FXR1: variants seen among roughly 807,000 people sequenced by gnomAD.
The protein encoded by FXR1 is RNA-binding protein FXR1.
A neutral mutation model predicts 84.0 loss-of-function variants in FXR1; 15 were observed. The observed-to-expected ratio is 0.18, with a 90% CI of 0.12 to 0.27. The LOEUF (loss-of-function observed/expected upper bound fraction) is 0.27. FXR1 is among the 10% of genes least tolerant of loss of function. The pLI, the probability that FXR1 is intolerant of heterozygous loss-of-function variation, is 1.00. For synonymous variants in FXR1, 245 were observed against 250.7 expected (o/e 0.98, Z 0.21); for missense variants, 480 against 774.4 (o/e 0.62, Z 4.51).
Position 180,933,839 on chromosome 3 carries a change from G to A in FXR1, c.104+453G>A, listed in dbSNP as rs555323979. On this transcript the variant is annotated intron_variant, in intron 2 of 16. Transcript: ENST00000357559. ...TATAAAAGAGCGCTGGGCTGCGTGCGGTGGCTCATGCCTGTAATCCCAGCA... is the reference window on the plus strand; with the variant it reads ...TATAAAAGAGCGCTGGGCTGCGTGCAGTGGCTCATGCCTGTAATCCCAGCA... Among the ~76,000 whole-genome samples the A allele has an allele frequency of 7.2e-5, 11 of 152,216 alleles. No individual in the cohort carries two copies. The East Asian group carries it at 1.9e-3, about 27-fold the overall frequency.
intron 3 of FXR1, among the ~76,000 whole-genome samples, chr3:180,944,471 C>G (rs1352956513): frequency 6.6e-6 from 1 of 151,646 alleles, no homozygotes; most frequent in African/African-American, 2.4e-5. Context: ...GAGGCATGCA[C>G]CAACCACACC....
rs747730033 is a variant in FXR1, at chr3:180,949,362, A to G, written c.630+19A>G. The stretch of plus-strand genomic sequence containing the variant: ...TTTAGAAGTAAGTGGGTTTACTTAC[A>G]AAAGAGTTTTCTGTGTCCCATTTAG... On this transcript the variant is annotated intron_variant, in intron 7 of 16. Transcript: ENST00000357559. The G allele has an allele frequency of 3.6e-6, 4 of 1,107,534 alleles. No individual in the cohort carries two copies. Among genetic ancestry groups the G allele is most frequent in the African/African-American group, 3.1e-5 (2 of 65,310 alleles). The allele number at this position is 1,107,534 out of a possible 1,614,324, so 68.6% of individuals were successfully genotyped here. A position where few individuals can be genotyped will look rare whatever the true frequency, so the allele number is the denominator to read the frequency against.
chr3:180,950,125 C>T (rs1722076943), intron 7 of FXR1, among the ~76,000 whole-genome samples: 1 of 152,156 alleles, frequency 6.6e-6, no homozygotes, highest in Admixed American at 6.5e-5. Context: ...TTGTCCTGTT[C>T]TTCCCTGCTA....
chr3:180,944,742 G>A (rs909385836), intron 3 of FXR1, among the ~76,000 whole-genome samples: 2 of 151,992 alleles, frequency 1.3e-5, no homozygotes, highest in African/African-American at 4.8e-5. Flanking sequence ...CCTACCCCAG[G>A]CCCCCAAGTA....
chr3:180,933,926 A>G (rs1043212078), intron 2 of FXR1, among the ~76,000 whole-genome samples: 15 of 152,100 alleles, frequency 9.9e-5, no homozygotes, highest in African/African-American at 3.4e-4. Context: ...CCTGGCCAAC[A>G]TGGTGAAACC....
chr3:180,964,548 T>C (rs1712550192), intron 13 of FXR1, among the ~76,000 whole-genome samples: 1 of 152,066 alleles, frequency 6.6e-6, no homozygotes, highest in Admixed American at 6.6e-5. Context: ...CTTAGTGGAA[T>C]TGATAACATT....
At position 180,980,523 on chromosome 3, in the gene FXR1, A is replaced by G. The variant is rs140179467; in HGVS notation, c.*4231A>G. 6.8e-4 allele frequency: 103 copies of G among 152,122 alleles called. 1 individual carries two copies. The East Asian group carries it at 0.016, about 24-fold the overall frequency. 9.4% of individuals were successfully genotyped at this position (152,122 alleles called of 1,614,324 possible). A position where few individuals can be genotyped will look rare whatever the true frequency, so the allele number is the denominator to read the frequency against. ...AATAGTTTTTCTAGATAAACAATTT[A>G]TACTTAATTGTTGCTTGGTTGCTTA... On this transcript the variant is annotated 3_prime_UTR_variant, in exon 17 of 17. Coordinates refer to ENST00000357559, the MANE Select transcript of FXR1 (RefSeq NM_005087.4).
intron 6 of FXR1, among the ~76,000 whole-genome samples, 180 bp from the exon 7 acceptor site, chr3:180,949,047 G>T (rs562446997): frequency 6.6e-6 from 1 of 152,290 alleles, no homozygotes; most frequent in East Asian, 1.9e-4. Flanking sequence ...ATTCTGAATA[G>T]CAGATCTAAA....
chr3:180,978,139 A>G lies in FXR1; in HGVS notation c.*1847A>G, dbSNP rs1026244896. On this transcript the variant is annotated 3_prime_UTR_variant, in exon 17 of 17. Coordinates refer to ENST00000357559, the MANE Select transcript of FXR1 (RefSeq NM_005087.4). ...ATAATTGGGTTAAAAATTATAAGGT[A>G]TTAGAAGAATTTTAATTAATGCCAA... The G allele has an allele frequency of 6.6e-6, 1 of 151,490 alleles. No homozygotes were observed. The highest frequency in any genetic ancestry group is 1.5e-5 in the Non-Finnish European group (1 of 67,892). The allele number at this position is 151,490 out of a possible 1,614,324, so 9.4% of individuals were successfully genotyped here.
chr3:180,948,303 T>C lies in FXR1; in HGVS notation c.271-44T>C, dbSNP rs560471274. ...TTAGAACTTCATTTAAACTTCATTA[T>C]TTTTGTTCAGATGGGATTTTTAAAG... On this transcript the variant is annotated intron_variant, in intron 4 of 16. Transcript: ENST00000357559. 7.0e-6 allele frequency: 10 copies of C among 1,424,228 alleles called. No homozygotes were observed. In the South Asian group the frequency reaches 1.1e-4, roughly 15 times the overall value. 88.2% of individuals were successfully genotyped at this position (1,424,228 alleles called of 1,614,324 possible). A position where few individuals can be genotyped will look rare whatever the true frequency, so the allele number is the denominator to read the frequency against.
intron 3 of FXR1, 86 bp downstream of exon 3, chr3:180,935,317 G>A: frequency 1.5e-6 from 1 of 658,504 alleles, no homozygotes. Context: ...AGTTGATGGA[G>A]GATAAATCTA....
chr3:180,971,833 C>T (rs911182621), intron 15 of FXR1: 1 of 152,538 alleles, frequency 6.6e-6, no homozygotes, highest in Non-Finnish European at 1.5e-5. Context: ...TTCCTGTGTA[C>T]AGAGAATCAC....
Position 180,978,505 on chromosome 3 carries a change from C to T in FXR1, c.*2213C>T, listed in dbSNP as rs922915877. Reference sequence around the variant, plus strand: ...CTTTTAAATGTATTTGAGAGGGTTCCGTCTTTTTGGCTGCTATCCTAGTTA... The same window carrying T: ...CTTTTAAATGTATTTGAGAGGGTTCTGTCTTTTTGGCTGCTATCCTAGTTA... On this transcript the variant is annotated 3_prime_UTR_variant, in exon 17 of 17. Transcript: ENST00000357559. 5.9e-5 allele frequency: 9 copies of T among 151,910 alleles called. No individual in the cohort carries two copies. The highest frequency in any genetic ancestry group is 2.6e-4 in the Admixed American group (4 of 15,218). 9.4% of individuals were successfully genotyped at this position (151,910 alleles called of 1,614,324 possible).
intron 9 of FXR1, among the ~76,000 whole-genome samples, chr3:180,954,484 G>T (rs1451118476): frequency 6.6e-6 from 1 of 152,168 alleles, no homozygotes; most frequent in African/African-American, 2.4e-5. Context: ...GAGCATTATA[G>T]CTTGGAATGA....
intron 3 of FXR1, among the ~76,000 whole-genome samples, chr3:180,938,224 T>G (rs1234432387): frequency 6.6e-6 from 1 of 152,140 alleles, no homozygotes; most frequent in Non-Finnish European, 1.5e-5. Flanking sequence ...TCCTAAGAGG[T>G]TAATGTTTTT....
intron 1 of FXR1, among the ~76,000 whole-genome samples, chr3:180,913,418 T>C (rs1430664718): frequency 6.6e-6 from 1 of 152,170 alleles, no homozygotes; most frequent in Non-Finnish European, 1.5e-5. Flanking sequence ...TTGTGAGCTT[T>C]AAAGTAAGAT....
Position 180,945,450 on chromosome 3 carries a change from G to A in FXR1, c.199-2415G>A, listed in dbSNP as rs528734721. Among the ~76,000 whole-genome samples, 315 of 152,148 alleles carry A rather than the reference G, an allele frequency of 2.1e-3. 1 individual carries two copies. The highest frequency in any genetic ancestry group is 7.3e-3 in the African/African-American group (304 of 41,488). ...GACAGGGTCTCGTTCTGTCACCCAGGGTTGAGTGTAGTGGTACAATCTTGG... is the reference window on the plus strand; with the variant it reads ...GACAGGGTCTCGTTCTGTCACCCAGAGTTGAGTGTAGTGGTACAATCTTGG... On this transcript the variant is annotated intron_variant, in intron 3 of 16. Coordinates refer to ENST00000357559, the MANE Select transcript of FXR1 (RefSeq NM_005087.4).
intron 1 of FXR1, chr3:180,915,410 G>T: frequency 3.8e-6 from 3 of 785,106 alleles, no homozygotes; most frequent in South Asian, 1.7e-5. Context: ...AGAACGTTAC[G>T]TATATAGAAT....
intron 8 of FXR1, 73 bp from the exon 9 acceptor site, chr3:180,953,689 C>A: frequency 2.7e-6 from 2 of 730,892 alleles, no homozygotes; most frequent in Non-Finnish European, 4.8e-6. Flanking sequence ...CTTTTCTCAT[C>A]TTCTTGTTTT....
Sources: gnomAD v4.1 joint callset for allele counts (sites outside exome capture counted in the v4.1 genomes callset) on GRCh38, gnomAD v4.1.1 for gene constraint, MANE v1.5 for transcripts, NCBI Gene and HGNC (gene_info 2026-07-23, HGNC 2026-07-21) for gene names.